Variants in ALMS1 observed in about 807,000 individuals in gnomAD.
ALMS1 encodes ALMS1 centrosome and basal body associated protein.
Under a neutral mutation model 352.2 loss-of-function variants are expected in ALMS1, and 271 were observed. The observed-to-expected ratio is 0.77, with a 90% CI of 0.70 to 0.85. The LOEUF is 0.85. Among genes scored for constraint, ALMS1 ranks in the 40% least tolerant of loss-of-function variants. The probability of loss-of-function intolerance (pLI) is 0.00; values close to 1 mark genes in which losing one functional copy is unlikely to be tolerated. For synonymous variants in ALMS1, 1,865 were observed against 1,761.2 expected, an observed-to-expected ratio of 1.06 and a Z score of -1.48; for missense variants, 5,445 against 4,870.7, an observed-to-expected ratio of 1.12 and a Z score of -3.51.
chr2:73,491,054 C>G lies in ALMS1; in HGVS notation c.9095C>G (p.Ala3032Gly). Reference protein sequence around the residue: ...QSAPNHCTLAASASTPPSNRK... With the variant: ...QSAPNHCTLAGSASTPPSNRK... Reference sequence around the variant, plus strand: ...GCCCCAAATCACTGTACATTAGCAGCATCTGCATCTACTCCTCCTTCAAAT... The same window carrying G: ...GCCCCAAATCACTGTACATTAGCAGGATCTGCATCTACTCCTCCTTCAAAT... Residue 3032 changes from alanine (A) to glycine (G), a missense_variant, in exon 10 of 23, where the codon GCA becomes GGA. Ala to Gly is a moderately conservative substitution (Grantham distance 60). Transcript: ENST00000613296. The G allele has an allele frequency of 1.2e-6, 2 of 1,614,204 alleles. No individual in the cohort carries two copies. The highest frequency in any genetic ancestry group is 1.7e-6 in the Non-Finnish European group (2 of 1,180,024).
In ALMS1 at chr2:73,452,076, C is replaced by G; in HGVS notation, c.5549C>G (p.Ser1850Cys). ...KTGINILPSNSYPQREHSVIS... is the reference protein window; with the variant it reads ...KTGINILPSNCYPQREHSVIS... ...GGAATAAACATCCTGCCCTCTAATT[C>G]CTACCCACAGAGAGAGCACTCTGTC... Residue 1850 changes from serine (S) to cysteine (C), a missense_variant, in exon 8 of 23, where the codon TCC (serine) becomes TGC (cysteine). By Grantham distance (112) the Ser-to-Cys change is moderately radical. Transcript: ENST00000613296. 1 of 1,614,118 alleles carries G rather than the reference C, an allele frequency of 6.2e-7. No individual in the cohort carries two copies. The highest frequency in any genetic ancestry group is 8.5e-7 in the Non-Finnish European group (1 of 1,180,000).
Position 73,573,261 on chromosome 2 carries a change from G to C in ALMS1, c.11384G>C (p.Gly3795Ala). ...IDTARLIQAF[G>A]HERVCLSPRR... ...ACTGCCCGGCTGATTCAAGCTTTTG[G>C]CCATGAAAGAGTATGCTTGTCACCC... Residue 3795 changes from glycine (G) to alanine (A), a missense_variant, in exon 16 of 23, where the codon GGC becomes GCC. By Grantham distance (60) the Gly-to-Ala change is moderately conservative. Transcript: ENST00000613296. 1.2e-6 allele frequency: 2 copies of C among 1,613,854 alleles called. No homozygotes were observed. Among genetic ancestry groups the C allele is most frequent in the Non-Finnish European group, 1.7e-6 (2 of 1,179,840 alleles).
intron 12 of ALMS1, among the ~76,000 whole-genome samples, chr2:73,546,461 A>G (rs1674321905): frequency 6.6e-6 from 1 of 152,230 alleles, no homozygotes; most frequent in African/African-American, 2.4e-5. Flanking sequence ...ACACTGTGGT[A>G]GGTGTTACAA....
Position 73,546,089 on chromosome 2 carries a change from A to G in ALMS1, c.9908-4178A>G, listed in dbSNP as rs57306374. 4.6e-3 allele frequency among the ~76,000 whole-genome samples: 703 copies of G among 152,312 alleles called. 8 individuals are homozygous for G. Among genetic ancestry groups the G allele is most frequent in the African/African-American group, 0.013 (557 of 41,556 alleles). On this transcript the variant is annotated intron_variant, in intron 12 of 22. Coordinates refer to ENST00000613296, the MANE Select transcript of ALMS1 (RefSeq NM_001378454.1). ...GGTTTCTTGAGCAGACACGATGTCA[A>G]TTTCAACATATGCCTTCCTAAGGTA...
At position 73,419,104 on chromosome 2, in the gene ALMS1, T is replaced by C. The variant is rs768590349; in HGVS notation, c.451-19T>C. The C allele has an allele frequency of 6.9e-6, 11 of 1,601,628 alleles. No homozygotes were observed. Among genetic ancestry groups the C allele is most frequent in the Admixed American group, 1.7e-5 (1 of 59,966 alleles). Reference sequence around the variant, plus strand: ...ACTCAGTTAATGACTTAGCATGTTTTCCTTTAACATTTTTCTAGAAAACAG... The same window carrying C: ...ACTCAGTTAATGACTTAGCATGTTTCCCTTTAACATTTTTCTAGAAAACAG... On this transcript the variant is annotated intron_variant, in intron 2 of 22. Coordinates refer to ENST00000613296, the MANE Select transcript of ALMS1 (RefSeq NM_001378454.1).
rs185907225 is a variant in ALMS1 at position 73,541,628 on chromosome 2, A to G, written c.9907+6679A>G. Among the ~76,000 whole-genome samples, 572 of 152,354 alleles carry G rather than the reference A, an allele frequency of 3.8e-3. 6 individuals are homozygous for G. The highest frequency in any genetic ancestry group is 6.1e-3 in the Non-Finnish European group (412 of 68,036). On this transcript the variant is annotated intron_variant, in intron 12 of 22. Transcript: ENST00000613296. ...AAATTGATAGACTGCTGGCCAGACT[A>G]ATAAAGAAGAAAAGAGAGAAGAATC...
chr2:73,539,645 G>A (rs1302261951), intron 12 of ALMS1, among the ~76,000 whole-genome samples: 1 of 152,114 alleles, frequency 6.6e-6, no homozygotes, highest in Non-Finnish European at 1.5e-5. Flanking sequence ...TAGACGAATG[G>A]CTAACTAGAA....
At chr2:73,439,390 G>A (rs1444829436) in intron 7 of ALMS1, among the ~76,000 whole-genome samples, 1 of 151,774 alleles carries the variant, frequency 6.6e-6, no homozygotes, top group Non-Finnish European at 1.5e-5. Flanking sequence ...AAAGTGCTGA[G>A]ATTACAGGCA....
At chr2:73,494,535 G>A (rs1218960851) in intron 10 of ALMS1, among the ~76,000 whole-genome samples, 1 of 152,118 alleles carries the variant, frequency 6.6e-6, no homozygotes, top group African/African-American at 2.4e-5. Flanking sequence ...TTGCATTTTA[G>A]TTGTCATGTC....
chr2:73,513,395 C>G (rs1339679217), intron 10 of ALMS1, among the ~76,000 whole-genome samples: 1 of 152,156 alleles, frequency 6.6e-6, no homozygotes, highest in African/African-American at 2.4e-5. Flanking sequence ...GCTCATGACA[C>G]CTCACATTGG....
intron 12 of ALMS1, among the ~76,000 whole-genome samples, chr2:73,542,278 T>G (rs1464868223): frequency 1.3e-5 from 2 of 152,156 alleles, no homozygotes; most frequent in Non-Finnish European, 2.9e-5. Flanking sequence ...CACATGATTA[T>G]CTCAATAGAT....
Position 73,450,098 on chromosome 2 carries a change from T to C in ALMS1, c.3571T>C (p.Phe1191Leu). 1 of 1,614,020 alleles carries C rather than the reference T, an allele frequency of 6.2e-7. No individual in the cohort carries two copies. Among genetic ancestry groups the C allele is most frequent in the Non-Finnish European group, 8.5e-7 (1 of 1,179,964 alleles). Residue 1191 changes from phenylalanine to leucine, a missense_variant, in exon 8 of 23, where the codon TTC becomes CTC. Phe to Leu is a conservative substitution (Grantham distance 22, BLOSUM62 0). Transcript: ENST00000613296. ...TTGGATACCAAGAGTACTTTCTACCTTCTACTCACAAAGAGAGAAACCTGG... is the reference window on the plus strand; with the variant it reads ...TTGGATACCAAGAGTACTTTCTACCCTCTACTCACAAAGAGAGAAACCTGG... ...KTWIPRVLST[F>L]YSQREKPGIF...
At chr2:73,409,340 T>G (rs2103677747) in intron 2 of ALMS1, among the ~76,000 whole-genome samples, 1 of 152,270 alleles carries the variant, frequency 6.6e-6, no homozygotes, top group South Asian at 2.1e-4. Context: ...CTCTCATTCC[T>G]GGCCTTAAGT....
intron 1 of ALMS1, among the ~76,000 whole-genome samples, chr2:73,407,713 A>G (rs1051012582): frequency 6.6e-6 from 1 of 152,114 alleles, no homozygotes; most frequent in Admixed American, 6.5e-5. Context: ...GCATGCCATC[A>G]TGCCCAGCTA....
chr2:73,472,546 C>G (rs537767080), intron 9 of ALMS1, among the ~76,000 whole-genome samples: 7 of 152,076 alleles, frequency 4.6e-5, no homozygotes, highest in African/African-American at 1.7e-4. Context: ...GCAAAAACAC[C>G]TAATAAGCTT....
intron 13 of ALMS1, 73 bp downstream of exon 13, chr2:73,550,510 C>G (rs1037194228): frequency 3.1e-5 from 48 of 1,565,202 alleles, no homozygotes; most frequent in Non-Finnish European, 3.8e-5. Flanking sequence ...ACTATCCAAT[C>G]TTTATCCTTT....
chr2:73,482,393 T>G (rs920691655), intron 9 of ALMS1, among the ~76,000 whole-genome samples: 1 of 152,032 alleles, frequency 6.6e-6, no homozygotes, highest in African/African-American at 2.4e-5. Flanking sequence ...TTGATTTGCA[T>G]ATATTGAACC....
chr2:73,561,804 C>A (rs1017849308), intron 15 of ALMS1, among the ~76,000 whole-genome samples: 6 of 151,848 alleles, frequency 4.0e-5, no homozygotes, highest in Non-Finnish European at 8.8e-5. Flanking sequence ...GTGTGGGAGA[C>A]ATAGCTTGCA....
chr2:73,507,474 G>T (rs866887066), intron 10 of ALMS1, among the ~76,000 whole-genome samples: 1 of 152,156 alleles, frequency 6.6e-6, no homozygotes, highest in African/African-American at 2.4e-5. Flanking sequence ...ACTGTTCAGG[G>T]ATTTGACTTC....
Sources: gnomAD v4.1 joint callset for allele counts (sites outside exome capture counted in the v4.1 genomes callset) on GRCh38, gnomAD v4.1.1 for gene constraint, MANE v1.5 for transcripts, NCBI Gene and HGNC (gene_info 2026-07-23, HGNC 2026-07-21) for gene names.